Variants in NUMA1 observed in about 807,000 individuals in gnomAD.
NUMA1 encodes nuclear mitotic apparatus protein 1.
Under a neutral mutation model 237.1 loss-of-function variants are expected in NUMA1, and 62 were observed. That is an observed-to-expected ratio of 0.26 (90% confidence interval 0.21 to 0.32). The LOEUF (loss-of-function observed/expected upper bound fraction) is 0.32, where lower values mean the gene tolerates loss of function less well. NUMA1 is among the 10% of genes least tolerant of loss of function. The pLI is 1.00. For synonymous variants in NUMA1, 1,028 were observed against 1,066.1 expected (o/e 0.96, Z 0.70); for missense variants, 2,533 against 2,666.5 (o/e 0.95, Z 1.10).
In NUMA1 at chr11:72,054,436, C is replaced by T. The variant is rs573599768; in HGVS notation, c.-33+15406G>A. On this transcript the variant is annotated intron_variant, in intron 2 of 26. Coordinates refer to ENST00000393695, the MANE Select transcript of NUMA1 (RefSeq NM_006185.4). The stretch of plus-strand genomic sequence containing the variant: ...TTAGCCAAGATCACACAATTGCAAT[C>T]CACCCTGGGAAACAAGAGCAAAACT... Among the ~76,000 whole-genome samples the T allele has an allele frequency of 2.6e-5, 4 of 151,550 alleles. No individual in the cohort carries two copies. In the South Asian group the frequency reaches 6.3e-4, roughly 24 times the overall value.
At chr11:72,079,749 T>TAA (rs72522058) in intron 1 of NUMA1, among the ~76,000 whole-genome samples, 2 of 144,672 alleles carry the variant, frequency 1.4e-5, no homozygotes, top group East Asian at 2.0e-4. Flanking sequence ...AAACAAAAAT[T>TAA]AAAAAAAAAA....
chr11:72,035,992 G>C lies in NUMA1; in HGVS notation c.-32-17C>G, dbSNP rs1366592325. 6.3e-7 allele frequency: 1 copy of C among 1,586,260 alleles called. No homozygotes were observed. Among genetic ancestry groups the C allele is most frequent in the African/African-American group, 1.3e-5 (1 of 74,368 alleles). ...CCAATGCGCCTGGAACCCAAGAGAG[G>C]AAGAAAAGCAGTTAATCATATCAGA... On this transcript the variant is annotated splice_polypyrimidine_tract_variant and intron_variant, in intron 2 of 26. Coordinates refer to ENST00000393695, the MANE Select transcript of NUMA1 (RefSeq NM_006185.4).
chr11:72,060,436 G>C (rs1041358057), intron 2 of NUMA1, among the ~76,000 whole-genome samples: 1 of 152,082 alleles, frequency 6.6e-6, no homozygotes, highest in South Asian at 2.1e-4. Flanking sequence ...TTGAGCCCAG[G>C]AGTTCGAGAC....
At chr11:72,079,234 G>T (rs1943888508) in intron 1 of NUMA1, among the ~76,000 whole-genome samples, 2 of 152,140 alleles carry the variant, frequency 1.3e-5, no homozygotes, top group Admixed American at 1.3e-4. Context: ...AGACAAACAC[G>T]CAGACTTTTA....
rs772871001 is a variant in NUMA1 at position 72,003,424 on chromosome 11, T to C, written c.*103A>G. 4.0e-5 allele frequency: 46 copies of C among 1,160,988 alleles called. No individual in the cohort carries two copies. Among genetic ancestry groups the C allele is most frequent in the Non-Finnish European group, 5.7e-5 (44 of 767,384 alleles). The allele number at this position is 1,160,988 out of a possible 1,614,324, so 71.9% of individuals were successfully genotyped here. On this transcript the variant is annotated 3_prime_UTR_variant, in exon 27 of 27. Transcript: ENST00000393695. ...CTGTCTCTAGGGGTTTGGCTACTGTTGGCCTGGGAGCTGAGAGAAGGCACT... is the reference window on the plus strand; with the variant it reads ...CTGTCTCTAGGGGTTTGGCTACTGTCGGCCTGGGAGCTGAGAGAAGGCACT...
intron 3 of NUMA1, among the ~76,000 whole-genome samples, chr11:72,035,557 G>A (rs899595817): frequency 5.3e-5 from 8 of 151,972 alleles, no homozygotes; most frequent in East Asian, 1.9e-4. Flanking sequence ...ACAGGTGCCC[G>A]CCACCACAGC....
intron 2 of NUMA1, among the ~76,000 whole-genome samples, chr11:72,048,809 A>G (rs1235733469): frequency 6.6e-6 from 1 of 152,178 alleles, no homozygotes; most frequent in African/African-American, 2.4e-5. Context: ...AAGCACCAAG[A>G]AAAGTCTTGT....
At chr11:72,005,208 C>T in intron 23 of NUMA1, 25 bp downstream of exon 23, 1 of 1,570,018 alleles carries the variant, frequency 6.4e-7, no homozygotes, top group Non-Finnish European at 8.6e-7. Flanking sequence ...GATGGGAGGC[C>T]CTGCACAGTG....
In NUMA1 at chr11:72,017,837, G is replaced by A; in HGVS notation, c.979-10C>T. Reference sequence around the variant, plus strand: ...TGGCAAACTCCCGCAGCTGAGACGGGCAAGTGAGAATCCCCATCACCCAGA... The same window carrying A: ...TGGCAAACTCCCGCAGCTGAGACGGACAAGTGAGAATCCCCATCACCCAGA... On this transcript the variant is annotated splice_polypyrimidine_tract_variant and intron_variant, in intron 12 of 26. Transcript: ENST00000393695. 5 of 1,563,104 alleles carry A rather than the reference G, an allele frequency of 3.2e-6. No homozygotes were observed. The highest frequency in any genetic ancestry group is 2.3e-5 in the East Asian group (1 of 43,540).
intron 15 of NUMA1, among the ~76,000 whole-genome samples, 195 bp from the exon 16 acceptor site, chr11:72,012,637 G>C (rs1226520453): frequency 6.6e-6 from 1 of 151,996 alleles, no homozygotes; most frequent in Non-Finnish European, 1.5e-5. Context: ...GTGTGCCTCT[G>C]AACAGGCTGG....
chr11:72,051,371 A>C (rs937151897), intron 2 of NUMA1, among the ~76,000 whole-genome samples: 9 of 152,192 alleles, frequency 5.9e-5, no homozygotes, highest in African/African-American at 2.2e-4. Flanking sequence ...AAAATACATA[A>C]GATATGTTAC....
At chr11:72,036,465 G>A (rs1190677207) in intron 2 of NUMA1, among the ~76,000 whole-genome samples, 1 of 152,166 alleles carries the variant, frequency 6.6e-6, no homozygotes. Flanking sequence ...CAAATAGTAC[G>A]GTGCCTGGCA....
At chr11:72,056,643 A>T (rs1307627749) in intron 2 of NUMA1, among the ~76,000 whole-genome samples, 2 of 53,008 alleles carry the variant, frequency 3.8e-5, no homozygotes, top group African/African-American at 1.0e-4. Flanking sequence ...TTTAAAAAAA[A>T]AAAAAAAAAA....
chr11:72,008,103 G>T (rs1206659225), intron 20 of NUMA1: 1 of 479,216 alleles, frequency 2.1e-6, no homozygotes, highest in East Asian at 5.2e-5. Flanking sequence ...TCAGAGGGTT[G>T]TTGGGGGACA....
chr11:72,014,193 C>T lies in NUMA1; in HGVS notation c.3310G>A (p.Gly1104Ser). 6.2e-7 allele frequency: 1 copy of T among 1,614,006 alleles called. No homozygotes were observed. Among genetic ancestry groups the T allele is most frequent in the Non-Finnish European group, 8.5e-7 (1 of 1,180,038 alleles). Residue 1104 changes from glycine (G) to serine (S), a missense_variant, in exon 15 of 27, where the codon GGC becomes AGC. Coordinates refer to ENST00000393695, the MANE Select transcript of NUMA1 (RefSeq NM_006185.4). This position sits in a 1 kb window ranked among gnomAD's most constrained non-coding sequence, Gnocchi z 4.6. Reference protein sequence around the residue: ...LAKKEKEHASGSGAQSEAAGR... With the variant: ...LAKKEKEHASSSGAQSEAAGR... Reference sequence around the variant, plus strand: ...GCAGCCTCAGATTGGGCTCCTGAGCCAGATGCGTGCTCCTTTTCTTTCTTA... The same window carrying T: ...GCAGCCTCAGATTGGGCTCCTGAGCTAGATGCGTGCTCCTTTTCTTTCTTA...
In NUMA1 at chr11:72,013,500, TCTC is replaced by T. The variant is rs1451060921; in HGVS notation, c.4000_4002del (p.Glu1334del). On this transcript the variant is annotated inframe_deletion, in exon 15 of 27. Coordinates refer to ENST00000393695, the MANE Select transcript of NUMA1 (RefSeq NM_006185.4). The surrounding 1 kb of genome is among the most constrained non-coding windows in gnomAD (Gnocchi z 6.8). Reference sequence around the variant, plus strand: ...AGGGCCTGCTCTTTCTGGAAGAACTTCTCCTGCCACGCCTTCAATTCTTGGCCC... The same window carrying T: ...AGGGCCTGCTCTTTCTGGAAGAACTTCTGCCACGCCTTCAATTCTTGGCCC... The T allele has an allele frequency of 2.5e-6, 4 of 1,613,316 alleles. No individual in the cohort carries two copies. Among genetic ancestry groups the T allele is most frequent in the Non-Finnish European group, 3.4e-6 (4 of 1,179,996 alleles).
rs1342616338 is a variant in NUMA1, at chr11:72,014,417, T to C, written c.3086A>G (p.Glu1029Gly). 1 of 1,609,306 alleles carries C rather than the reference T, an allele frequency of 6.2e-7. No individual in the cohort carries two copies. Among genetic ancestry groups the C allele is most frequent in the African/African-American group, 1.3e-5 (1 of 75,036 alleles). ...GGCGTTCTGCAGCCGCATCTCAAGCTCTGCTCTGGCCGCCTTCTCCAGGGC... is the reference window on the plus strand; with the variant it reads ...GGCGTTCTGCAGCCGCATCTCAAGCCCTGCTCTGGCCGCCTTCTCCAGGGC... ...DLALEKAARA[E>G]LEMRLQNALN... is the part of the protein sequence containing the mutation. Residue 1029 changes from glutamate to glycine, a missense_variant, in exon 15 of 27, where the codon GAG (glutamate) becomes GGG (glycine). By Grantham distance (98) the Glu-to-Gly change is moderately conservative. Transcript: ENST00000393695. This position sits in a 1 kb window ranked among gnomAD's most constrained non-coding sequence, Gnocchi z 4.6.
At position 72,027,554 on chromosome 11, in the gene NUMA1, T is replaced by TAA. The variant is rs56028530; in HGVS notation, c.128+1649_128+1650dup. Among the ~76,000 whole-genome samples, 9 of 150,764 alleles carry TAA rather than the reference T, an allele frequency of 6.0e-5. No individual in the cohort carries two copies. In the East Asian group the frequency reaches 7.8e-4, roughly 13 times the overall value. ...CAGGATTTAAGGATTTCTATAAGATTAAAAAAAAATGAGGTGGTGTCGAGT... is the reference window on the plus strand; with the variant it reads ...CAGGATTTAAGGATTTCTATAAGATTAAAAAAAAAAATGAGGTGGTGTCGAGT... On this transcript the variant is annotated intron_variant, in intron 4 of 26. Transcript: ENST00000393695.
intron 2 of NUMA1, among the ~76,000 whole-genome samples, chr11:72,055,743 G>A (rs530601430): frequency 1.4e-4 from 21 of 152,026 alleles, no homozygotes; most frequent in African/African-American, 4.6e-4. Flanking sequence ...GGCTCAGGAG[G>A]CTGAGATGGG....
Sources: allele counts gnomAD v4.1 joint callset (sites outside exome capture counted in the v4.1 genomes callset), GRCh38; gene constraint gnomAD v4.1.1; non-coding constraint Gnocchi (gnomAD v3.1); transcripts MANE v1.5; gene names NCBI Gene and HGNC (gene_info 2026-07-23, HGNC 2026-07-21).